RAB11FIP3: variants seen among roughly 807,000 people sequenced by gnomAD.
RAB11FIP3 encodes RAB11 family interacting protein 3.
A neutral mutation model predicts 77.8 loss-of-function variants in RAB11FIP3; 17 were observed. The observed-to-expected ratio is 0.22, with a 90% CI of 0.15 to 0.33. The LOEUF is 0.33. Ranked by LOEUF, RAB11FIP3 falls within the 10% of genes least tolerant of loss-of-function variation. RAB11FIP3 has a pLI of 1.00. For synonymous variants in RAB11FIP3, 437 were observed against 448.2 expected, an observed-to-expected ratio of 0.98 and a Z score of 0.31; for missense variants, 1,005 against 1,011.2, an observed-to-expected ratio of 0.99 and a Z score of 0.08.
intron 1 of RAB11FIP3, among the ~76,000 whole-genome samples, chr16:437,993 A>G (rs938553806): frequency 6.6e-6 from 1 of 152,136 alleles, no homozygotes; most frequent in African/African-American, 2.4e-5. Flanking sequence ...TATTTTTAGT[A>G]GAGATGGGGT....
At chr16:516,188 C>A (rs1480474522) in intron 9 of RAB11FIP3, among the ~76,000 whole-genome samples, 1 of 152,204 alleles carries the variant, frequency 6.6e-6, no homozygotes, top group Non-Finnish European at 1.5e-5. Flanking sequence ...TAAGCCCTTC[C>A]CGCCCAGCCC....
intron 3 of RAB11FIP3, among the ~76,000 whole-genome samples, chr16:474,300 C>T (rs1247202335): frequency 6.6e-6 from 1 of 152,190 alleles, no homozygotes; most frequent in Non-Finnish European, 1.5e-5. Context: ...CTGGGAGCAT[C>T]GCAGTGCTCA....
At chr16:493,246 G>A (rs2030752737) in intron 5 of RAB11FIP3, among the ~76,000 whole-genome samples, 1 of 102,606 alleles carries the variant, frequency 9.7e-6, no homozygotes, top group Non-Finnish European at 1.9e-5. Context: ...GCCAAACTCT[G>A]ACTCCAAAAA....
chr16:502,315 G>A (rs895600269), intron 6 of RAB11FIP3, among the ~76,000 whole-genome samples: 1 of 152,234 alleles, frequency 6.6e-6, no homozygotes, highest in Non-Finnish European at 1.5e-5. Flanking sequence ...GGGCCTTTGC[G>A]TCTACTCAGG....
chr16:447,762 G>A (rs949695143), intron 1 of RAB11FIP3, among the ~76,000 whole-genome samples: 6 of 152,092 alleles, frequency 3.9e-5, no homozygotes, highest in Admixed American at 6.6e-5. Flanking sequence ...AGACTAAAAC[G>A]TATAAATTAT....
intron 10 of RAB11FIP3, 29 bp downstream of exon 10, chr16:519,053 C>T (rs991751671): frequency 6.2e-7 from 1 of 1,606,398 alleles, no homozygotes; most frequent in Non-Finnish European, 8.5e-7. Flanking sequence ...GGAGCTGTGG[C>T]CAGTGGGGCC....
At position 427,858 on chromosome 16, in the gene RAB11FIP3, A is replaced by T. The variant is rs1420809340; in HGVS notation, c.714+1138A>T. ...CTCATGCCTGTAATCCCAGCACTTT[A>T]GGAGGCCGAGGCGGGCGGATCACGA... On this transcript the variant is annotated intron_variant, in intron 1 of 13. Transcript: ENST00000262305. Among the ~76,000 whole-genome samples the T allele has an allele frequency of 1.6e-3, 237 of 151,962 alleles. 2 individuals carry two copies. Among genetic ancestry groups the T allele is most frequent in the African/African-American group, 5.4e-3 (223 of 41,380 alleles).
chr16:503,899 C>T (rs1448691191), intron 7 of RAB11FIP3, among the ~76,000 whole-genome samples: 5 of 151,138 alleles, frequency 3.3e-5, no homozygotes, highest in African/African-American at 1.2e-4. Context: ...ACCCCCTCAC[C>T]TTCTGTGACC....
chr16:471,636 T>C lies in RAB11FIP3; in HGVS notation c.903+247T>C, dbSNP rs2055810734. On this transcript the variant is annotated intron_variant, in intron 3 of 13. Coordinates refer to ENST00000262305, the MANE Select transcript of RAB11FIP3 (RefSeq NM_014700.4). The surrounding 1 kb of genome is among the most constrained non-coding windows in gnomAD (Gnocchi z 4.4). ...GGGCCTGTCGCCAGCAGAAGTGGGG[T>C]GGGCAGTGATGTCATGACCACCCGC... Among the ~76,000 whole-genome samples, 1 of 151,974 alleles carries C rather than the reference T, an allele frequency of 6.6e-6. No individual in the cohort carries two copies. Among genetic ancestry groups the C allele is most frequent in the Non-Finnish European group, 1.5e-5 (1 of 67,986 alleles).
rs1358402545 is a variant in RAB11FIP3, at chr16:503,046, G to A, written c.1344G>A (p.Glu448=). 1.2e-6 allele frequency: 2 copies of A among 1,613,328 alleles called. No individual in the cohort carries two copies. Among genetic ancestry groups the A allele is most frequent in the South Asian group, 2.2e-5 (2 of 91,048 alleles). ...GGGCCCTGACCATGGAGGCCCTGGA[G>A]GACCCTTCCCCCGAGCTCATGGAGG... ...QSGALTMEAL[E]DPSPELMEGP... is the part of the protein sequence containing the mutation. Residue 448 remains glutamate, a synonymous_variant, in exon 7 of 14, where the codon GAG becomes GAA. Coordinates refer to ENST00000262305, the MANE Select transcript of RAB11FIP3 (RefSeq NM_014700.4).
chr16:432,602 T>TTG (rs1269521944), intron 1 of RAB11FIP3, among the ~76,000 whole-genome samples: 23 of 143,932 alleles, frequency 1.6e-4, no homozygotes, highest in South Asian at 4.3e-4. Context: ...TTTTTTTTTT[T>TTG]TGTGTGTGTG....
At chr16:433,573 A>T (rs1451156697) in intron 1 of RAB11FIP3, among the ~76,000 whole-genome samples, 1 of 151,398 alleles carries the variant, frequency 6.6e-6, no homozygotes, top group Admixed American at 6.6e-5. Context: ...TCCAGGCCGG[A>T]TGCGGTGGCT....
At chr16:497,039 T>C in intron 6 of RAB11FIP3, 180 bp downstream of exon 6, 1 of 682,484 alleles carries the variant, frequency 1.5e-6, no homozygotes, top group Non-Finnish European at 2.3e-6. Flanking sequence ...TTTCCAGGGC[T>C]GTGAATTTGG....
intron 4 of RAB11FIP3, among the ~76,000 whole-genome samples, chr16:484,355 C>A (rs2056107336): frequency 6.8e-6 from 1 of 146,166 alleles, no homozygotes; most frequent in Non-Finnish European, 1.5e-5. Context: ...TGGATTTAGC[C>A]ATTTTTTTTT....
intron 3 of RAB11FIP3, among the ~76,000 whole-genome samples, chr16:474,526 C>T (rs187464944): frequency 6.6e-5 from 10 of 152,108 alleles, no homozygotes; most frequent in Admixed American, 6.5e-4. Flanking sequence ...GCAGGTGGAG[C>T]CCAGGGGGTG....
chr16:441,322 C>A (rs2141861294), intron 1 of RAB11FIP3, among the ~76,000 whole-genome samples: 1 of 152,292 alleles, frequency 6.6e-6, no homozygotes, highest in South Asian at 2.1e-4. Context: ...TGTTCCTGAT[C>A]CCTAAGTCGT....
At chr16:493,293 T>C (rs1462398211) in intron 5 of RAB11FIP3, among the ~76,000 whole-genome samples, 1 of 149,690 alleles carries the variant, frequency 6.7e-6, no homozygotes, top group Non-Finnish European at 1.5e-5. Flanking sequence ...GTGGTTAATA[T>C]GCTATTCAAT....
intron 1 of RAB11FIP3, among the ~76,000 whole-genome samples, chr16:450,838 C>G (rs192244044): frequency 0.02 from 2,627 of 130,472 alleles, 93 homozygotes; most frequent in African/African-American, 0.07. Flanking sequence ...CCTCCCTCCC[C>G]GCCCCCCACC....
At chr16:436,414 A>C (rs2055128877) in intron 1 of RAB11FIP3, among the ~76,000 whole-genome samples, 2 of 152,092 alleles carry the variant, frequency 1.3e-5, no homozygotes, top group African/African-American at 4.8e-5. Context: ...GGTTCAAGGG[A>C]TTCTCCCACC....
Sources: gnomAD v4.1 joint callset for allele counts (sites outside exome capture counted in the v4.1 genomes callset) on GRCh38, gnomAD v4.1.1 for gene constraint, Gnocchi (gnomAD v3.1) non-coding constraint, MANE v1.5 for transcripts, NCBI Gene and HGNC (gene_info 2026-07-23, HGNC 2026-07-21) for gene names.